The following SCHIP1 variants were observed in gnomAD, a reference collection of about 807,000 sequenced individuals.
The protein encoded by SCHIP1 is schwannomin-interacting protein 1.
Under a neutral mutation model 29.7 loss-of-function variants are expected in SCHIP1, and 8 were observed. The observed-to-expected ratio is 0.27, with a 90% confidence interval of 0.16 to 0.49. The LOEUF is 0.49. Ranked by LOEUF, SCHIP1 falls within the 20% of genes least tolerant of loss-of-function variation. The pLI, the probability that SCHIP1 is intolerant of heterozygous loss-of-function variation, is 0.99. For synonymous variants in SCHIP1, 76 were observed against 94.9 expected, an observed-to-expected ratio of 0.80 and a Z score of 1.16; for missense variants, 193 against 294.6, an observed-to-expected ratio of 0.66 and a Z score of 2.52.
At chr3:159,843,679 C>T (rs187312750) in intron 1 of SCHIP1, among the ~76,000 whole-genome samples, 115 of 151,936 alleles carry the variant, frequency 7.6e-4, no homozygotes, top group African/African-American at 2.4e-3. Context: ...AAAAATCAGC[C>T]GGCCAAGGTG....
the SCHIP1 span, among the ~76,000 whole-genome samples, chr3:159,485,691 C>T: frequency 6.6e-6 from 1 of 152,106 alleles, no homozygotes; most frequent in African/African-American, 2.4e-5. Flanking sequence ...GCAAGTTGTC[C>T]GTTTCCTTAT....
chr3:159,312,353 A>G, the SCHIP1 span, among the ~76,000 whole-genome samples: 1 of 152,142 alleles, frequency 6.6e-6, no homozygotes, highest in African/African-American at 2.4e-5. Flanking sequence ...CTAGGCAGAC[A>G]AAGGTTCCCT....
chr3:159,857,987 C>G (rs1488367283), intron 1 of SCHIP1, among the ~76,000 whole-genome samples: 1 of 152,148 alleles, frequency 6.6e-6, no homozygotes, highest in Non-Finnish European at 1.5e-5. Context: ...CCACCTCCCC[C>G]GGATCCTAGG....
the SCHIP1 span, among the ~76,000 whole-genome samples, chr3:159,824,092 A>G: frequency 6.6e-6 from 1 of 152,186 alleles, no homozygotes; most frequent in Non-Finnish European, 1.5e-5. Flanking sequence ...CCCAACCTTT[A>G]ATCTTATTTT....
At chr3:159,626,176 C>CTAGATAGATAGATAGATAGATA in the SCHIP1 span, among the ~76,000 whole-genome samples, 18 of 71,344 alleles carry the variant, frequency 2.5e-4, 1 homozygote, top group Non-Finnish European at 3.0e-4. Context: ...ATATATCTAT[C>CTAGATAGATAGATAGATAGATA]TATCTAGATA....
the SCHIP1 span, among the ~76,000 whole-genome samples, chr3:159,519,870 A>AAAT: frequency 1.3e-5 from 2 of 148,170 alleles, no homozygotes; most frequent in African/African-American, 5.0e-5. Flanking sequence ...AGAAAAAAAA[A>AAAT]ATATATATAT....
the SCHIP1 span, among the ~76,000 whole-genome samples, chr3:159,321,758 A>T: frequency 6.6e-6 from 1 of 152,120 alleles, no homozygotes; most frequent in Non-Finnish European, 1.5e-5. Context: ...TTTAGAAAAG[A>T]TAAAGTCATC....
At chr3:159,395,234 C>T in the SCHIP1 span, among the ~76,000 whole-genome samples, 116 of 151,962 alleles carry the variant, frequency 7.6e-4, 1 homozygote, top group Non-Finnish European at 1.1e-3. Context: ...GTCTTGCTAG[C>T]GGTCTATCTA....
At chr3:159,326,500 C>T in the SCHIP1 span, among the ~76,000 whole-genome samples, 2 of 151,938 alleles carry the variant, frequency 1.3e-5, no homozygotes, top group African/African-American at 4.8e-5. Context: ...GCATCTCTGC[C>T]CTACCCTTGC....
chr3:159,873,449 C>G (rs569249687), intron 2 of SCHIP1, among the ~76,000 whole-genome samples: 1 of 152,324 alleles, frequency 6.6e-6, no homozygotes, highest in Admixed American at 6.5e-5. Flanking sequence ...GTGAGTTCCT[C>G]TCAGTTGTCT....
chr3:159,273,609 T>G, the SCHIP1 span: 49 of 1,299,426 alleles, frequency 3.8e-5, no homozygotes, highest in Non-Finnish European at 4.8e-5. Context: ...TGCCAATACT[T>G]GAAGATTTCT....
the SCHIP1 span, among the ~76,000 whole-genome samples, chr3:159,346,492 T>C: frequency 6.6e-6 from 1 of 152,118 alleles, no homozygotes; most frequent in Non-Finnish European, 1.5e-5. Flanking sequence ...TATACAGTGC[T>C]TCTTGACATG....
the SCHIP1 span, among the ~76,000 whole-genome samples, chr3:159,813,639 G>A: frequency 5.3e-5 from 8 of 151,652 alleles, no homozygotes; most frequent in Admixed American, 1.3e-4. Context: ...ACTGAGGAGC[G>A]ATCACACCAC....
At chr3:159,341,637 G>T in the SCHIP1 span, among the ~76,000 whole-genome samples, 1 of 152,122 alleles carries the variant, frequency 6.6e-6, no homozygotes, top group Non-Finnish European at 1.5e-5. Context: ...TCCCTGAAGG[G>T]TTTGCCACTT....
chr3:159,785,545 A>G, the SCHIP1 span, among the ~76,000 whole-genome samples: 1 of 151,520 alleles, frequency 6.6e-6, no homozygotes, highest in Non-Finnish European at 1.5e-5. Flanking sequence ...GAATGTAAAT[A>G]CAGAGCCATC....
At chr3:159,705,057 G>A in the SCHIP1 span, among the ~76,000 whole-genome samples, 25 of 151,482 alleles carry the variant, frequency 1.7e-4, no homozygotes, top group Non-Finnish European at 3.4e-4. Flanking sequence ...TCCACATCCC[G>A]TGTTCAAGCG....
chr3:159,528,190 A>G, the SCHIP1 span, among the ~76,000 whole-genome samples: 1 of 152,240 alleles, frequency 6.6e-6, no homozygotes, highest in African/African-American at 2.4e-5. Flanking sequence ...TTATAAAAGA[A>G]CACCTGGGTA....
intron 1 of SCHIP1, among the ~76,000 whole-genome samples, chr3:159,847,683 C>T (rs1050657785): frequency 6.6e-5 from 10 of 152,102 alleles, no homozygotes; most frequent in African/African-American, 2.2e-4. Context: ...ACAACTATGG[C>T]CCACGATCTT....
chr3:159,388,237 A>G, the SCHIP1 span, among the ~76,000 whole-genome samples: 4 of 152,154 alleles, frequency 2.6e-5, no homozygotes, highest in Non-Finnish European at 5.9e-5. Context: ...TAAAATTAGA[A>G]AATCAACAAT....
Sources: gnomAD v4.1 joint callset for allele counts (sites outside exome capture counted in the v4.1 genomes callset) on GRCh38, gnomAD v4.1.1 for gene constraint, MANE v1.5 for transcripts, NCBI Gene and HGNC (gene_info 2026-07-23, HGNC 2026-07-21) for gene names.